AMBRA1: variants seen among roughly 807,000 people sequenced by gnomAD.
The protein encoded by AMBRA1 is activating molecule in BECN1-regulated autophagy protein 1.
Under a neutral mutation model 125.4 loss-of-function variants are expected in AMBRA1, and 47 were observed. The ratio of observed to expected loss-of-function variants is 0.37; its 90% CI spans 0.30 to 0.48. The LOEUF (loss-of-function observed/expected upper bound fraction) is 0.48. AMBRA1 is among the 20% of genes least tolerant of loss of function. The pLI is 0.99. For synonymous variants in AMBRA1, 626 were observed against 655.5 expected, an observed-to-expected ratio of 0.95 and a Z score of 0.69; for missense variants, 1,331 against 1,693.4, an observed-to-expected ratio of 0.79 and a Z score of 3.76.
intron 12 of AMBRA1, among the ~76,000 whole-genome samples, chr11:46,439,294 A>C (rs1356819945): frequency 1.3e-5 from 2 of 152,180 alleles, no homozygotes; most frequent in African/African-American, 2.4e-5. Flanking sequence ...AATAAGTAAA[A>C]TAAAACATAA....
chr11:46,513,307 ATATAAC>A (rs1376359961), intron 7 of AMBRA1, among the ~76,000 whole-genome samples: 3 of 147,380 alleles, frequency 2.0e-5, no homozygotes, highest in East Asian at 3.9e-4. Flanking sequence ...CTCCTCAGAT[ATATAAC>A]TATAATATAT....
rs1565111137 is a variant in AMBRA1, at chr11:46,397,264, G to A, written c.*186C>T. The A allele has an allele frequency of 1.4e-6, 1 of 729,490 alleles. No individual in the cohort carries two copies. 45.2% of individuals were successfully genotyped at this position (729,490 alleles called of 1,614,324 possible). On this transcript the variant is annotated 3_prime_UTR_variant, in exon 18 of 18. Transcript: ENST00000683756. ...AGATCCTGGAAGGTTCTAGTTCCCC[G>A]AGGCAGGCCTTGCCCATTTGACTGT...
At chr11:46,411,129 A>G (rs971940625) in intron 15 of AMBRA1, among the ~76,000 whole-genome samples, 1 of 151,400 alleles carries the variant, frequency 6.6e-6, no homozygotes, top group Non-Finnish European at 1.5e-5. Flanking sequence ...AAAAAAAAAA[A>G]GAAAAGCAGA....
rs755291749 is a variant in AMBRA1, at chr11:46,482,936, G to A, written c.2521+10672C>T. Among the ~76,000 whole-genome samples the A allele has an allele frequency of 5.3e-5, 8 of 151,790 alleles. 1 individual carries two copies. The highest frequency in any genetic ancestry group is 1.0e-4 in the Non-Finnish European group (7 of 67,964). Reference sequence around the variant, plus strand: ...AGGCAGGAGAATCATTTGAACCTGGGAGGCGGAGGTTGCAGTGAGCCGAGA... The same window carrying A: ...AGGCAGGAGAATCATTTGAACCTGGAAGGCGGAGGTTGCAGTGAGCCGAGA... On this transcript the variant is annotated intron_variant, in intron 11 of 17. Transcript: ENST00000683756.
chr11:46,435,020 C>G lies in AMBRA1; in HGVS notation c.2650G>C (p.Val884Leu). ...TCATTGTAGATCTTGCAGTTCTGCA[C>G]CAGCACATTCACGGAAGCTGCATCA... Reference protein sequence around the residue: ...EISNASVNVLVQNCKIYNDAS... With the variant: ...EISNASVNVLLQNCKIYNDAS... The change falls in exon 13 of 18, where the codon GTG (valine) becomes CTG (leucine). Residue 884 changes from valine to leucine, a missense_variant. Physicochemically the swap from Val to Leu is conservative, Grantham distance 32 (BLOSUM62 1). Coordinates refer to ENST00000683756, the MANE Select transcript of AMBRA1 (RefSeq NM_001387011.1). The G allele has an allele frequency of 1.9e-6, 3 of 1,609,264 alleles. No individual in the cohort carries two copies. The highest frequency in any genetic ancestry group is 2.5e-6 in the Non-Finnish European group (3 of 1,177,616).
At chr11:46,507,502 G>T (rs1188147206) in intron 9 of AMBRA1, among the ~76,000 whole-genome samples, 1 of 151,478 alleles carries the variant, frequency 6.6e-6, no homozygotes, top group African/African-American at 2.4e-5. Context: ...AAAAAGATTG[G>T]CTAGCTTAAA....
intron 7 of AMBRA1, among the ~76,000 whole-genome samples, chr11:46,513,313 C>T (rs2135056972): frequency 6.8e-6 from 1 of 146,890 alleles, no homozygotes; most frequent in South Asian, 2.1e-4. Context: ...AGATATATAA[C>T]TATAATATAT....
chr11:46,404,247 G>A (rs990280335), intron 17 of AMBRA1, among the ~76,000 whole-genome samples: 4 of 152,124 alleles, frequency 2.6e-5, no homozygotes, highest in Admixed American at 6.6e-5. Flanking sequence ...AGTACAGGTG[G>A]GATCTCCCTT....
chr11:46,544,143 T>G (rs1295112460), intron 5 of AMBRA1, 102 bp from the exon 6 acceptor site: 2 of 881,540 alleles, frequency 2.3e-6, no homozygotes, highest in Admixed American at 4.4e-5. Flanking sequence ...TACTGATAAC[T>G]GGTATCACTC....
At chr11:46,485,886 T>C (rs1161843058) in intron 11 of AMBRA1, among the ~76,000 whole-genome samples, 2 of 152,038 alleles carry the variant, frequency 1.3e-5, no homozygotes, top group East Asian at 3.9e-4. Flanking sequence ...TTCTCACTAG[T>C]GGTATAAGAT....
At chr11:46,409,262 G>A (rs531165970) in intron 16 of AMBRA1, among the ~76,000 whole-genome samples, 122 of 151,538 alleles carry the variant, frequency 8.1e-4, no homozygotes, top group Non-Finnish European at 1.3e-3. Flanking sequence ...CTGTAGTGGC[G>A]CAATCTCAGC....
intron 1 of AMBRA1, among the ~76,000 whole-genome samples, chr11:46,551,763 C>T (rs1444762211): frequency 6.6e-6 from 1 of 152,146 alleles, no homozygotes; most frequent in African/African-American, 2.4e-5. Flanking sequence ...TGCAGTGGCT[C>T]ATGCCTGTAA....
intron 5 of AMBRA1, 31 bp downstream of exon 5, chr11:46,545,573 C>T (rs1185367524): frequency 1.2e-6 from 2 of 1,608,080 alleles, no homozygotes; most frequent in East Asian, 4.5e-5. Context: ...CAGTCCTGTG[C>T]CAGACAATGC....
At chr11:46,535,432 C>G (rs755301496) in intron 7 of AMBRA1, among the ~76,000 whole-genome samples, 2 of 152,116 alleles carry the variant, frequency 1.3e-5, no homozygotes, top group Non-Finnish European at 2.9e-5. Flanking sequence ...GACTCCAAAA[C>G]AAAAGATGAG....
At chr11:46,409,034 G>A (rs1375609676) in intron 16 of AMBRA1, among the ~76,000 whole-genome samples, 2 of 152,228 alleles carry the variant, frequency 1.3e-5, no homozygotes, top group Non-Finnish European at 2.9e-5. Context: ...AAAGACTAAT[G>A]AAATTCAGGA....
intron 7 of AMBRA1, among the ~76,000 whole-genome samples, chr11:46,521,213 GA>G (rs35639064): frequency 2.6e-5 from 4 of 152,378 alleles, no homozygotes; most frequent in African/African-American, 7.2e-5. Flanking sequence ...AAGGTTTTCA[GA>G]AACTGCTTAC....
chr11:46,478,853 T>A (rs1333885277), intron 11 of AMBRA1, among the ~76,000 whole-genome samples: 2 of 152,118 alleles, frequency 1.3e-5, no homozygotes, highest in Non-Finnish European at 2.9e-5. Context: ...TGTACCTTTA[T>A]ATCCTTTGGT....
chr11:46,561,675 C>A (rs1398880863), intron 1 of AMBRA1, among the ~76,000 whole-genome samples: 2 of 152,150 alleles, frequency 1.3e-5, no homozygotes, highest in East Asian at 3.9e-4. Context: ...AGGTCAGGTT[C>A]TTGGCTGACT....
intron 1 of AMBRA1, among the ~76,000 whole-genome samples, chr11:46,576,748 T>C (rs568389589): frequency 7.2e-4 from 109 of 152,270 alleles, no homozygotes; most frequent in African/African-American, 2.6e-3. Flanking sequence ...GATTATAAAA[T>C]ATAGGAAGCC....
Sources: allele counts gnomAD v4.1 joint callset (sites outside exome capture counted in the v4.1 genomes callset), GRCh38; gene constraint gnomAD v4.1.1; transcripts MANE v1.5; gene names NCBI Gene and HGNC (gene_info 2026-07-23, HGNC 2026-07-21).